The following BAHCC1 variants were observed in gnomAD, a reference collection of about 807,000 sequenced individuals.
BAHCC1 encodes BAH domain and coiled-coil containing 1.
In BAHCC1, 43 loss-of-function variants were observed where a neutral mutation model predicts 88.2. The ratio of observed to expected loss-of-function variants is 0.49; its 90% CI spans 0.38 to 0.63. The LOEUF (loss-of-function observed/expected upper bound fraction) is 0.63. BAHCC1 is among the 20% of genes least tolerant of loss of function. The pLI is 0.00. For synonymous variants in BAHCC1, 1,510 were observed against 745.5 expected, an observed-to-expected ratio of 2.03 and a Z score of -16.71; for missense variants, 3,023 against 1,654.8, an observed-to-expected ratio of 1.83 and a Z score of -14.34.
At position 81,464,971 on chromosome 17, in the gene BAHCC1, T is replaced by C. The variant is rs2030606838; in HGVS notation, c.*1154T>C. The C allele has an allele frequency of 6.6e-6, 1 of 152,146 alleles. No individual in the cohort carries two copies. Among genetic ancestry groups the C allele is most frequent in the Admixed American group, 6.5e-5 (1 of 15,276 alleles). 9.4% of individuals were successfully genotyped at this position (152,146 alleles called of 1,614,324 possible). ...CCTGAACTGGGCAGGGCTCGGGGCC[T>C]ATGAGGGCAGGTTCACAGTCCCACC... On this transcript the variant is annotated 3_prime_UTR_variant, in exon 28 of 28. Transcript: ENST00000675386.
intron 14 of BAHCC1, among the ~76,000 whole-genome samples, chr17:81,453,776 T>A (rs2064692446): frequency 2.0e-5 from 3 of 152,212 alleles, no homozygotes; most frequent in African/African-American, 7.2e-5. Flanking sequence ...AGGACCCCTC[T>A]TCCCGAGGGT....
rs868989298 is a variant in BAHCC1, at chr17:81,461,893, C to A, written c.7230C>A (p.Ser2410Arg). Reference sequence around the variant, plus strand: ...CGGGCTCAGGCCCCAGCAGCAGCAGCAAATCCAAGCTCAAGCGCAAAGAGG... The same window carrying A: ...CGGGCTCAGGCCCCAGCAGCAGCAGAAAATCCAAGCTCAAGCGCAAAGAGG... The part of the protein sequence containing the change: ...TGAGSGPSSS[S>R]KSKLKRKEAL... Residue 2410 changes from serine to arginine, a missense_variant, in exon 26 of 28, where the codon AGC becomes AGA. Transcript: ENST00000675386. 4 of 734,750 alleles carry A rather than the reference C, an allele frequency of 5.4e-6. No homozygotes were observed. Among genetic ancestry groups the A allele is most frequent in the Non-Finnish European group, 1.0e-5 (4 of 395,608 alleles). The allele number at this position is 734,750 out of a possible 1,614,324, so 45.5% of individuals were successfully genotyped here. A position where few individuals can be genotyped will look rare whatever the true frequency, so the allele number is the denominator to read the frequency against.
At chr17:81,444,079 C>CT in intron 6 of BAHCC1, 162 bp downstream of exon 6, 1 of 610,586 alleles carries the variant, frequency 1.6e-6, no homozygotes, top group Non-Finnish European at 2.9e-6. Flanking sequence ...TTTCTGGAGT[C>CT]TCACCCGGGG....
chr17:81,420,715 G>A (rs1298652755), intron 2 of BAHCC1, among the ~76,000 whole-genome samples: 3 of 152,276 alleles, frequency 2.0e-5, no homozygotes, highest in Non-Finnish European at 2.9e-5. Flanking sequence ...GGCCTGGGCC[G>A]GCTGGGCAGT....
chr17:81,406,841 T>C (rs770132488), intron 2 of BAHCC1: 167 of 455,474 alleles, frequency 3.7e-4, no homozygotes, highest in Non-Finnish European at 6.7e-4. Flanking sequence ...GCCTCGGGTC[T>C]GGTGGGGAGG....
At chr17:81,425,205 A>G (rs1281557856) in intron 2 of BAHCC1, among the ~76,000 whole-genome samples, 3 of 5,050 alleles carry the variant, frequency 5.9e-4, no homozygotes, top group African/African-American at 1.9e-3. Flanking sequence ...GTTGGTGATG[A>G]TGGTGGGTGA....
chr17:81,428,949 C>A (rs2064230581), intron 3 of BAHCC1, among the ~76,000 whole-genome samples: 1 of 152,240 alleles, frequency 6.6e-6, no homozygotes, highest in Non-Finnish European at 1.5e-5. Context: ...CTCTGAGCCC[C>A]TTCTATCTGC....
chr17:81,401,739 A>T (rs1359647391), intron 2 of BAHCC1: 2 of 152,458 alleles, frequency 1.3e-5, no homozygotes, highest in African/African-American at 4.8e-5. Context: ...GGCCCCTGAC[A>T]CTGAGGCTTG....
chr17:81,458,171 G>A lies in BAHCC1; in HGVS notation c.5048G>A (p.Cys1683Tyr), dbSNP rs1555657869. 2.8e-6 allele frequency: 2 copies of A among 718,634 alleles called. No individual in the cohort carries two copies. The highest frequency in any genetic ancestry group is 2.0e-5 in the Admixed American group (1 of 50,214). 44.5% of individuals were successfully genotyped at this position (718,634 alleles called of 1,614,324 possible). ...KKERQGLLGA[C>Y]RLSSPESEVK... ...CCTCCTCTCCTTCCCACAGGGGCCTGCCGCCTGTCCAGCCCTGAGAGTGAG... is the reference window on the plus strand; with the variant it reads ...CCTCCTCTCCTTCCCACAGGGGCCTACCGCCTGTCCAGCCCTGAGAGTGAG... Residue 1683 changes from cysteine to tyrosine, a missense_variant, in exon 18 of 28, where the codon TGC (cysteine) becomes TAC (tyrosine). Cys to Tyr is a radical substitution (Grantham distance 194). Coordinates refer to ENST00000675386, the MANE Select transcript of BAHCC1 (RefSeq NM_001377448.1).
rs1410325845 is a variant in BAHCC1, at chr17:81,411,743, C to T, written c.178+11826C>T. On this transcript the variant is annotated intron_variant, in intron 2 of 27. Coordinates refer to ENST00000675386, the MANE Select transcript of BAHCC1 (RefSeq NM_001377448.1). This position sits in a 1 kb window ranked among gnomAD's most constrained non-coding sequence, Gnocchi z 6.2. The stretch of plus-strand genomic sequence containing the variant: ...GGGAGGCCTCAGCATAGTCCTTGAG[C>T]TCTGGGGGCCCCAACCCAGCCTCCC... 3.9e-6 allele frequency: 1 copy of T among 258,154 alleles called. No homozygotes were observed. Among genetic ancestry groups the T allele is most frequent in the Non-Finnish European group, 7.8e-6 (1 of 128,832 alleles). 16.0% of individuals were successfully genotyped at this position (258,154 alleles called of 1,614,324 possible).
chr17:81,456,701 G>T, intron 16 of BAHCC1, 116 bp downstream of exon 16: 1 of 605,746 alleles, frequency 1.7e-6, no homozygotes, highest in Admixed American at 3.0e-5. Context: ...GGCTTGTGGG[G>T]TGTGACAGGT....
intron 2 of BAHCC1, among the ~76,000 whole-genome samples, chr17:81,413,957 CA>C (rs1486479986): frequency 6.6e-6 from 1 of 152,246 alleles, no homozygotes; most frequent in Non-Finnish European, 1.5e-5. Flanking sequence ...GGGGCTCCCC[CA>C]GCCCACCTTG....
intron 2 of BAHCC1, among the ~76,000 whole-genome samples, chr17:81,417,678 T>A (rs1723123633): frequency 6.6e-6 from 1 of 152,048 alleles, no homozygotes; most frequent in Non-Finnish European, 1.5e-5. Context: ...CCTGTCATCA[T>A]CACCTCCGGG....
At chr17:81,407,844 GCACA>G (rs1457439819) in intron 2 of BAHCC1, among the ~76,000 whole-genome samples, 6 of 152,190 alleles carry the variant, frequency 3.9e-5, no homozygotes, top group Non-Finnish European at 8.8e-5. Context: ...GTGTTCACCT[GCACA>G]CACACACTCA....
At position 81,464,473 on chromosome 17, in the gene BAHCC1, G is replaced by A. The variant is rs1226105403; in HGVS notation, c.*656G>A. ...TGACGGCACCCTCTGATCTCTTGGG[G>A]GGACGACCGTGTAAGATGAAAGTCG... On this transcript the variant is annotated 3_prime_UTR_variant, in exon 28 of 28. Transcript: ENST00000675386. The A allele has an allele frequency of 6.5e-6, 1 of 154,028 alleles. No homozygotes were observed. Among genetic ancestry groups the A allele is most frequent in the East Asian group, 1.9e-4 (1 of 5,202 alleles). The allele number at this position is 154,028 out of a possible 1,614,324, so 9.5% of individuals were successfully genotyped here.
At chr17:81,432,603 C>T (rs1467093574) in intron 3 of BAHCC1, among the ~76,000 whole-genome samples, 1 of 131,194 alleles carries the variant, frequency 7.6e-6, no homozygotes, top group Non-Finnish European at 1.7e-5. Flanking sequence ...CTGGACCCAA[C>T]CTCCGTCCCC....
chr17:81,414,337 T>C (rs2063992332), intron 2 of BAHCC1, among the ~76,000 whole-genome samples: 3 of 152,226 alleles, frequency 2.0e-5, no homozygotes, highest in Admixed American at 1.3e-4. Flanking sequence ...GTTCTCCCAG[T>C]GGTCCGTGAG....
intron 2 of BAHCC1, among the ~76,000 whole-genome samples, chr17:81,423,949 C>T (rs1348218381): frequency 2.0e-5 from 3 of 152,184 alleles, no homozygotes; most frequent in Non-Finnish European, 2.9e-5. Flanking sequence ...GGTATCCTGG[C>T]GGTGCCCAGG....
rs2064505852 is a variant in BAHCC1, at chr17:81,445,411, A to G, written c.2893A>G (p.Lys965Glu). Residue 965 changes from lysine to glutamate, a missense_variant, in exon 10 of 28, where the codon AAG becomes GAG. By Grantham distance (56) the Lys-to-Glu change is moderately conservative. Transcript: ENST00000675386. ...LEEPAQEKAPKSTHKPVALTP... is the reference protein window; with the variant it reads ...LEEPAQEKAPESTHKPVALTP... ...GGAGCCCGCCCAGGAGAAGGCCCCA[A>G]AGTCCACCCACAAGCCAGTTGCCTT... 1.3e-6 allele frequency: 1 copy of G among 776,436 alleles called. No homozygotes were observed. Among genetic ancestry groups the G allele is most frequent in the Non-Finnish European group, 2.4e-6 (1 of 417,002 alleles). 48.1% of individuals were successfully genotyped at this position (776,436 alleles called of 1,614,324 possible). A position where few individuals can be genotyped will look rare whatever the true frequency, so the allele number is the denominator to read the frequency against.
Sources: gnomAD v4.1 joint callset for allele counts (sites outside exome capture counted in the v4.1 genomes callset) on GRCh38, gnomAD v4.1.1 for gene constraint, Gnocchi (gnomAD v3.1) non-coding constraint, MANE v1.5 for transcripts, NCBI Gene and HGNC (gene_info 2026-07-23, HGNC 2026-07-21) for gene names.